The following PRIM2 variants were observed in gnomAD, a reference collection of about 807,000 sequenced individuals.
PRIM2 encodes the protein DNA primase subunit 2.
PRIM2 carries 39 observed loss-of-function variants against 67.3 expected under a neutral mutation model. The ratio of observed to expected loss-of-function variants is 0.58; its 90% CI spans 0.45 to 0.76. The LOEUF is 0.76. Ranked by LOEUF, PRIM2 falls within the 30% of genes least tolerant of loss-of-function variation. PRIM2 has a pLI of 0.00. For missense variants in PRIM2, 398 were observed against 598.7 expected (o/e 0.66, Z 3.50); for synonymous variants, 143 against 198.7 (o/e 0.72, Z 2.36).
intron 13 of PRIM2, among the ~76,000 whole-genome samples, chr6:57,643,083 C>A (rs1245265035): frequency 6.6e-6 from 1 of 152,008 alleles, no homozygotes; most frequent in Non-Finnish European, 1.5e-5. Context: ...AACCCTATGA[C>A]CTAACACTGT....
At chr6:57,451,826 C>G (rs1772562818) in intron 7 of PRIM2, among the ~76,000 whole-genome samples, 1 of 149,582 alleles carries the variant, frequency 6.7e-6, no homozygotes, top group Non-Finnish European at 1.5e-5. Context: ...TACATGTGCA[C>G]TATGTGCAGG....
At chr6:57,332,819 T>G (rs1002971840) in intron 5 of PRIM2, among the ~76,000 whole-genome samples, 2 of 152,112 alleles carry the variant, frequency 1.3e-5, no homozygotes, top group Non-Finnish European at 2.9e-5. Flanking sequence ...TTCTTTTTTA[T>G]TCATTTTGGA....
At chr6:57,400,264 G>A (rs1031167328) in intron 7 of PRIM2, among the ~76,000 whole-genome samples, 1 of 152,142 alleles carries the variant, frequency 6.6e-6, no homozygotes, top group Non-Finnish European at 1.5e-5. Context: ...TATATATAAT[G>A]CTCCTTTCAA....
chr6:57,571,599 G>A (rs1330861214), intron 10 of PRIM2, among the ~76,000 whole-genome samples: 3 of 152,124 alleles, frequency 2.0e-5, no homozygotes, highest in East Asian at 1.9e-4. Flanking sequence ...GCAGTGAGCC[G>A]AGATAGTGCC....
chr6:57,587,942 G>A (rs1776223381), intron 10 of PRIM2, among the ~76,000 whole-genome samples: 1 of 152,168 alleles, frequency 6.6e-6, no homozygotes, highest in African/African-American at 2.4e-5. Context: ...AGTCCTTGTG[G>A]TTTTAAATGA....
intron 8 of PRIM2, among the ~76,000 whole-genome samples, chr6:57,523,913 G>A (rs1475145191): frequency 6.6e-6 from 1 of 152,104 alleles, no homozygotes; most frequent in East Asian, 1.9e-4. Context: ...AAGTCCAGGA[G>A]TAGGTCTGCC....
At chr6:57,245,146 T>C in the PRIM2 span, among the ~76,000 whole-genome samples, 3 of 152,162 alleles carry the variant, frequency 2.0e-5, no homozygotes, top group Non-Finnish European at 4.4e-5. Context: ...GGTGCAGGCC[T>C]ACCCACCTTG....
At chr6:57,359,541 C>G (rs929691682) in intron 5 of PRIM2, among the ~76,000 whole-genome samples, 2 of 152,160 alleles carry the variant, frequency 1.3e-5, no homozygotes, top group African/African-American at 2.4e-5. Flanking sequence ...AGCTGTAATA[C>G]AATGGCTGTT....
chr6:57,385,700 T>C lies in PRIM2; in HGVS notation c.693+3532T>C, dbSNP rs1325399437. On this transcript the variant is annotated intron_variant, in intron 7 of 13. Transcript: ENST00000615550. ...ATTCTTAGTTTCTCTTAGATTTTCATGGACTTTGTTACTTTTGAAGATTAT... is the reference window on the plus strand; with the variant it reads ...ATTCTTAGTTTCTCTTAGATTTTCACGGACTTTGTTACTTTTGAAGATTAT... Among the ~76,000 whole-genome samples the C allele has an allele frequency of 3.3e-5, 5 of 152,246 alleles. No individual in the cohort carries two copies. In the East Asian group the frequency reaches 5.8e-4, roughly 18 times the overall value.
chr6:57,365,878 A>G (rs1769339144), intron 5 of PRIM2, among the ~76,000 whole-genome samples: 1 of 134,468 alleles, frequency 7.4e-6, no homozygotes, highest in Admixed American at 8.4e-5. Context: ...AGGCAGGAGA[A>G]TTGCTTGAGC....
At chr6:57,634,071 A>G (rs1433657767) in intron 13 of PRIM2, among the ~76,000 whole-genome samples, 1 of 152,234 alleles carries the variant, frequency 6.6e-6, no homozygotes, top group African/African-American at 2.4e-5. Flanking sequence ...GTGTGGGGTC[A>G]CACTACTTAT....
At chr6:57,275,441 A>T in the PRIM2 span, among the ~76,000 whole-genome samples, 1 of 152,214 alleles carries the variant, frequency 6.6e-6, no homozygotes, top group East Asian at 1.9e-4. Context: ...GTGAGCCAAG[A>T]TCGTGCCATT....
At chr6:57,257,975 A>T in the PRIM2 span, among the ~76,000 whole-genome samples, 5 of 152,188 alleles carry the variant, frequency 3.3e-5, no homozygotes, top group African/African-American at 1.2e-4. Context: ...GTCCTTCCCC[A>T]GGATTCTCTC....
chr6:57,394,616 G>A lies in PRIM2; in HGVS notation c.693+12448G>A, dbSNP rs1375569294. On this transcript the variant is annotated intron_variant, in intron 7 of 13. Transcript: ENST00000615550. ...AACGATCATAACGCCAGCAAACAGC[G>A]ACAGTTTGACTTCCTCTTTACCTAT... Among the ~76,000 whole-genome samples, 14 of 152,192 alleles carry A rather than the reference G, an allele frequency of 9.2e-5. No individual in the cohort carries two copies. The South Asian group carries it at 1.0e-3, about 11-fold the overall frequency.
rs553175871 is a variant in PRIM2 at position 57,393,394 on chromosome 6, C to T, written c.693+11226C>T. On this transcript the variant is annotated intron_variant, in intron 7 of 13. Coordinates refer to ENST00000615550, the MANE Select transcript of PRIM2 (RefSeq NM_000947.5). Reference sequence around the variant, plus strand: ...TGCAATGTAGTTTTAATTTGCATTTCCCTGATCATTAGTGATGTTGAGCAT... The same window carrying T: ...TGCAATGTAGTTTTAATTTGCATTTTCCTGATCATTAGTGATGTTGAGCAT... Among the ~76,000 whole-genome samples, 726 of 152,262 alleles carry T rather than the reference C, an allele frequency of 4.8e-3. 5 individuals are homozygous for T. Among genetic ancestry groups the T allele is most frequent in the Non-Finnish European group, 7.4e-3 (501 of 68,018 alleles).
intron 7 of PRIM2, among the ~76,000 whole-genome samples, chr6:57,500,959 A>G (rs1302631671): frequency 3.3e-5 from 5 of 152,344 alleles, no homozygotes; most frequent in African/African-American, 1.2e-4. Context: ...TGTGCTTCAG[A>G]ACTTTCTTGG....
intron 8 of PRIM2, among the ~76,000 whole-genome samples, chr6:57,512,688 A>G (rs1554347821): frequency 6.6e-6 from 1 of 151,850 alleles, no homozygotes; most frequent in East Asian, 1.9e-4. Context: ...ACCTCCTCCT[A>G]CTGGGTTCAA....
chr6:57,359,665 C>A (rs1769135068), intron 5 of PRIM2, among the ~76,000 whole-genome samples: 1 of 152,088 alleles, frequency 6.6e-6, no homozygotes, highest in Non-Finnish European at 1.5e-5. Flanking sequence ...TCAGTGTATC[C>A]TAAATACCTC....
the PRIM2 span, among the ~76,000 whole-genome samples, chr6:57,239,226 G>A: frequency 6.6e-6 from 1 of 152,092 alleles, no homozygotes. Flanking sequence ...CCTGACCTCA[G>A]GTGATCAGCC....
Sources: gnomAD v4.1 joint callset for allele counts (sites outside exome capture counted in the v4.1 genomes callset) on GRCh38, gnomAD v4.1.1 for gene constraint, MANE v1.5 for transcripts, NCBI Gene and HGNC (gene_info 2026-07-23, HGNC 2026-07-21) for gene names.